EBF1: variants seen among roughly 807,000 people sequenced by gnomAD.
EBF1 encodes transcription factor COE1.
Under a neutral mutation model 68.4 loss-of-function variants are expected in EBF1, and 10 were observed. The observed-to-expected ratio is 0.15, with a 90% CI of 0.09 to 0.25. EBF1 has a LOEUF of 0.25. Ranked by LOEUF, EBF1 falls within the 10% of genes least tolerant of loss-of-function variation. The pLI is 1.00. For synonymous variants in EBF1, 298 were observed against 299.8 expected, an observed-to-expected ratio of 0.99 and a Z score of 0.06; for missense variants, 509 against 794.4, an observed-to-expected ratio of 0.64 and a Z score of 4.32.
intron 8 of EBF1, among the ~76,000 whole-genome samples, chr5:158,810,616 A>T (rs946590220): frequency 5.9e-5 from 9 of 152,180 alleles, no homozygotes; most frequent in Non-Finnish European, 1.2e-4. Context: ...GGTTTGAACA[A>T]CTGGTATCCT....
chr5:159,031,804 A>G (rs1331537059), intron 6 of EBF1, among the ~76,000 whole-genome samples: 1 of 152,208 alleles, frequency 6.6e-6, no homozygotes, highest in East Asian at 1.9e-4. Flanking sequence ...TTTCCCACAC[A>G]GGCCCTAAAT....
chr5:158,846,691 A>G (rs539195486), intron 6 of EBF1, among the ~76,000 whole-genome samples: 1 of 152,374 alleles, frequency 6.6e-6, no homozygotes, highest in African/African-American at 2.4e-5. Flanking sequence ...GTAGTTGTAG[A>G]GTACAGTTCA....
intron 10 of EBF1, among the ~76,000 whole-genome samples, chr5:158,762,506 C>T (rs1010649052): frequency 6.6e-6 from 1 of 152,004 alleles, no homozygotes; most frequent in Non-Finnish European, 1.5e-5. Context: ...AACAGAAATC[C>T]CTTATATAAT....
intron 6 of EBF1, among the ~76,000 whole-genome samples, chr5:159,070,135 C>T (rs1277870415): frequency 6.6e-6 from 1 of 152,158 alleles, no homozygotes; most frequent in Non-Finnish European, 1.5e-5. Flanking sequence ...AAACATAACA[C>T]ATTTGACTTT....
intron 8 of EBF1, among the ~76,000 whole-genome samples, chr5:158,812,972 G>A (rs1012689911): frequency 1.3e-5 from 2 of 152,064 alleles, no homozygotes; most frequent in Non-Finnish European, 2.9e-5. Flanking sequence ...TTTTAAAAAT[G>A]ATTTGACTCA....
At chr5:159,049,556 C>T (rs534644190) in intron 6 of EBF1, among the ~76,000 whole-genome samples, 1 of 152,328 alleles carries the variant, frequency 6.6e-6, no homozygotes, top group East Asian at 1.9e-4. Context: ...ACTAAATATT[C>T]TGCAAAATGT....
intron 6 of EBF1, among the ~76,000 whole-genome samples, chr5:159,018,045 C>A (rs926458596): frequency 6.6e-6 from 1 of 152,046 alleles, no homozygotes; most frequent in African/African-American, 2.4e-5. Flanking sequence ...GAGCCATGGC[C>A]CCTCCCAACA....
chr5:158,696,753 TGACAGCCTAGTGA>T lies in EBF1; in HGVS notation c.*2345_*2357del, dbSNP rs1369743028. The T allele has an allele frequency of 6.9e-6, 1 of 145,100 alleles. No individual in the cohort carries two copies. Among genetic ancestry groups the T allele is most frequent in the Non-Finnish European group, 1.5e-5 (1 of 67,928 alleles). The allele number at this position is 145,100 out of a possible 1,614,324, so 9.0% of individuals were successfully genotyped here. ...CCCCAACCCATAAAAATCGCACTCT[TGACAGCCTAGTGA>T]AAACCATTGCAAAATCCATATGGGG... On this transcript the variant is annotated 3_prime_UTR_variant, in exon 16 of 16. Coordinates refer to ENST00000313708, the MANE Select transcript of EBF1 (RefSeq NM_024007.5).
At chr5:158,978,245 G>C (rs1226800134) in intron 6 of EBF1, among the ~76,000 whole-genome samples, 3 of 152,240 alleles carry the variant, frequency 2.0e-5, no homozygotes, top group African/African-American at 7.2e-5. Flanking sequence ...ACATGCGGCC[G>C]CTGTGAGGCT....
intron 11 of EBF1, among the ~76,000 whole-genome samples, chr5:158,720,102 A>C (rs549260603): frequency 2.0e-5 from 3 of 152,278 alleles, no homozygotes; most frequent in South Asian, 4.1e-4. Flanking sequence ...AATGAAGTGA[A>C]ATGAGAAAAT....
intron 6 of EBF1, among the ~76,000 whole-genome samples, chr5:158,944,993 T>G (rs1814332344): frequency 6.6e-6 from 1 of 152,216 alleles, no homozygotes; most frequent in African/African-American, 2.4e-5. Flanking sequence ...ATGGATAGAT[T>G]GCAAAAATTT....
intron 6 of EBF1, among the ~76,000 whole-genome samples, chr5:159,044,164 T>G (rs983211669): frequency 6.6e-6 from 1 of 152,250 alleles, no homozygotes; most frequent in Non-Finnish European, 1.5e-5. Flanking sequence ...AATTATCTAT[T>G]AACCAGAATG....
intron 10 of EBF1, among the ~76,000 whole-genome samples, chr5:158,767,284 T>G (rs896949068): frequency 2.6e-5 from 4 of 152,158 alleles, no homozygotes; most frequent in African/African-American, 9.7e-5. Context: ...TTTAAAAATC[T>G]TCCATATAAG....
intron 6 of EBF1, among the ~76,000 whole-genome samples, chr5:158,861,520 G>A (rs1794957571): frequency 6.6e-6 from 1 of 152,184 alleles, no homozygotes; most frequent in African/African-American, 2.4e-5. Context: ...TAAACCCCAT[G>A]TTTATGTATG....
At chr5:159,028,184 G>A (rs1584066795) in intron 6 of EBF1, among the ~76,000 whole-genome samples, 1 of 152,130 alleles carries the variant, frequency 6.6e-6, no homozygotes. Flanking sequence ...TGCACTAAAG[G>A]AAAAATACAT....
intron 10 of EBF1, among the ~76,000 whole-genome samples, chr5:158,768,940 G>T (rs1437158375): frequency 6.6e-6 from 1 of 152,134 alleles, no homozygotes; most frequent in Non-Finnish European, 1.5e-5. Flanking sequence ...ATACTAAAAA[G>T]ATTAGAGGTT....
At chr5:158,884,687 T>C (rs1178344777) in intron 6 of EBF1, among the ~76,000 whole-genome samples, 1 of 152,182 alleles carries the variant, frequency 6.6e-6, no homozygotes, top group Non-Finnish European at 1.5e-5. Flanking sequence ...AGTTTAATCC[T>C]GAGTGCAATT....
chr5:158,898,693 C>A (rs1802654678), intron 6 of EBF1, among the ~76,000 whole-genome samples: 1 of 152,230 alleles, frequency 6.6e-6, no homozygotes, highest in South Asian at 2.1e-4. Flanking sequence ...GTGTGGCTGT[C>A]ATCCACGCAC....
chr5:158,969,100 G>A (rs554791245), intron 6 of EBF1, among the ~76,000 whole-genome samples: 67 of 152,050 alleles, frequency 4.4e-4, no homozygotes, highest in Admixed American at 9.8e-4. Context: ...TCAGGAGTTC[G>A]AGACCAGCCT....
Sources: allele counts gnomAD v4.1 joint callset (sites outside exome capture counted in the v4.1 genomes callset), GRCh38; gene constraint gnomAD v4.1.1; transcripts MANE v1.5; gene names NCBI Gene and HGNC (gene_info 2026-07-23, HGNC 2026-07-21).